The following STRN3 variants were observed in gnomAD, a reference collection of about 807,000 sequenced individuals.
STRN3 encodes striatin-3.
STRN3 carries 29 observed loss-of-function variants against 95.6 expected under a neutral mutation model. The observed-to-expected ratio is 0.30, with a 90% CI of 0.23 to 0.41. The LOEUF is 0.41. Among genes scored for constraint, STRN3 ranks in the 10% least tolerant of loss-of-function variants. STRN3 has a pLI of 1.00. For missense variants in STRN3, 890 were observed against 972.1 expected, an observed-to-expected ratio of 0.92 and a Z score of 1.12; for synonymous variants, 331 against 357.6, an observed-to-expected ratio of 0.93 and a Z score of 0.84.
chr14:30,998,413 T>C (rs1274848220), intron 1 of STRN3, among the ~76,000 whole-genome samples: 2 of 152,186 alleles, frequency 1.3e-5, no homozygotes, highest in Non-Finnish European at 2.9e-5. Flanking sequence ...CTCTGACATA[T>C]TCCTGAGAAC....
At chr14:31,009,324 T>C (rs1281163573) in intron 1 of STRN3, among the ~76,000 whole-genome samples, 1 of 152,122 alleles carries the variant, frequency 6.6e-6, no homozygotes, top group East Asian at 1.9e-4. Context: ...TGGGCTAATA[T>C]TTTATTTGGG....
intron 8 of STRN3, among the ~76,000 whole-genome samples, chr14:30,924,455 A>AT (rs1036978209): frequency 1.4e-4 from 21 of 151,286 alleles, no homozygotes; most frequent in Non-Finnish European, 2.2e-4. Flanking sequence ...CGCCCAGCTA[A>AT]TTTTTTTTGT....
intron 15 of STRN3, 142 bp from the exon 16 acceptor site, chr14:30,902,785 A>T: frequency 1.7e-6 from 1 of 597,942 alleles, no homozygotes; most frequent in South Asian, 2.1e-5. Context: ...GAACCAAACA[A>T]GGACTCTAGA....
intron 1 of STRN3, among the ~76,000 whole-genome samples, chr14:30,992,410 A>C (rs573495731): frequency 4.4e-4 from 67 of 151,850 alleles, no homozygotes; most frequent in African/African-American, 1.5e-3. Flanking sequence ...GTCTCAAAAA[A>C]AAAAAAGAAA....
chr14:30,950,597 T>C (rs1395651549), intron 4 of STRN3, among the ~76,000 whole-genome samples: 1 of 152,158 alleles, frequency 6.6e-6, no homozygotes, highest in Non-Finnish European at 1.5e-5. Context: ...GAGGGCTCTA[T>C]CAAGTATGAA....
At chr14:31,001,300 C>T (rs1882438885) in intron 1 of STRN3, among the ~76,000 whole-genome samples, 1 of 152,004 alleles carries the variant, frequency 6.6e-6, no homozygotes, top group South Asian at 2.1e-4. Flanking sequence ...CTTTGGGAGG[C>T]CAAAGTGGGA....
chr14:30,951,487 T>C (rs1177499492), intron 3 of STRN3, among the ~76,000 whole-genome samples: 1 of 152,264 alleles, frequency 6.6e-6, no homozygotes, highest in Non-Finnish European at 1.5e-5. Context: ...CCACCTCAGC[T>C]TCTTAAAGTG....
At chr14:30,964,934 A>G (rs1594507660) in intron 1 of STRN3, among the ~76,000 whole-genome samples, 1 of 151,480 alleles carries the variant, frequency 6.6e-6, no homozygotes, top group Admixed American at 6.6e-5. Flanking sequence ...AAAAAAAAGA[A>G]AAAAAAAGAG....
At chr14:30,972,153 GATTATCTACTCCACCCTGATTCATTCCA>G (rs1383942913) in intron 1 of STRN3, among the ~76,000 whole-genome samples, 13 of 151,952 alleles carry the variant, frequency 8.6e-5, no homozygotes, top group Non-Finnish European at 1.3e-4. Context: ...AATCTTTTTC[GATTATCTACTCCACCCTGATTCATTCCA>G]ATTACCTACT....
intron 1 of STRN3, among the ~76,000 whole-genome samples, chr14:31,006,133 A>G (rs887912846): frequency 8.6e-5 from 13 of 151,446 alleles, no homozygotes; most frequent in African/African-American, 2.9e-4. Context: ...AAAAAAAAAA[A>G]AAAGAAACAA....
At chr14:30,940,225 C>T (rs1879029762) in intron 5 of STRN3, among the ~76,000 whole-genome samples, 1 of 152,232 alleles carries the variant, frequency 6.6e-6, no homozygotes, top group African/African-American at 2.4e-5. Flanking sequence ...AGGCCCACTG[C>T]ACAACTGTTT....
intron 1 of STRN3, among the ~76,000 whole-genome samples, chr14:31,020,799 G>A (rs1057038946): frequency 1.3e-5 from 2 of 152,032 alleles, no homozygotes; most frequent in Admixed American, 6.6e-5. Context: ...CCACCTACTC[G>A]GGAGGCTGCA....
At chr14:30,952,456 T>C (rs1391898583) in intron 3 of STRN3, among the ~76,000 whole-genome samples, 1 of 151,980 alleles carries the variant, frequency 6.6e-6, no homozygotes, top group Non-Finnish European at 1.5e-5. Flanking sequence ...TCCCAGCACT[T>C]TGGGAGGCCA....
chr14:30,998,641 A>T (rs1370319677), intron 1 of STRN3, among the ~76,000 whole-genome samples: 1 of 152,232 alleles, frequency 6.6e-6, no homozygotes, highest in East Asian at 1.9e-4. Flanking sequence ...CATCCAAGGA[A>T]ATCTCTGCTC....
At chr14:31,006,444 C>T (rs892084251) in intron 1 of STRN3, among the ~76,000 whole-genome samples, 2 of 151,940 alleles carry the variant, frequency 1.3e-5, no homozygotes, top group African/African-American at 4.8e-5. Flanking sequence ...GCCTGTAATC[C>T]CAGCACTTTG....
chr14:30,918,895 G>A (rs1896809001), intron 9 of STRN3, 71 bp downstream of exon 9: 1 of 1,377,396 alleles, frequency 7.3e-7, no homozygotes, highest in Non-Finnish European at 9.6e-7. Flanking sequence ...CAGTAGCCTA[G>A]TTGCATTAAG....
chr14:30,899,282 G>C (rs1304553597), intron 16 of STRN3, among the ~76,000 whole-genome samples: 2 of 152,206 alleles, frequency 1.3e-5, no homozygotes, highest in African/African-American at 2.4e-5. Flanking sequence ...TTCAGACACA[G>C]TATAGGAAAC....
intron 8 of STRN3, among the ~76,000 whole-genome samples, chr14:30,919,463 T>G (rs1896827560): frequency 6.6e-6 from 1 of 151,714 alleles, no homozygotes; most frequent in African/African-American, 2.4e-5. Flanking sequence ...AAAGGAAAAT[T>G]TTGGTGTTTA....
chr14:31,008,113 C>T (rs1566489517), intron 1 of STRN3, among the ~76,000 whole-genome samples: 1 of 151,992 alleles, frequency 6.6e-6, no homozygotes, highest in East Asian at 1.9e-4. Flanking sequence ...ATCACTTGAA[C>T]CCAGGAGGTG....
Sources: allele counts gnomAD v4.1 joint callset (sites outside exome capture counted in the v4.1 genomes callset), GRCh38; gene constraint gnomAD v4.1.1; transcripts MANE v1.5; gene names NCBI Gene and HGNC (gene_info 2026-07-23, HGNC 2026-07-21).